The following ITFG1 variants were observed in gnomAD, a reference collection of about 807,000 sequenced individuals.
The protein encoded by ITFG1 is T-cell immunomodulatory protein.
Under a neutral mutation model 81.8 loss-of-function variants are expected in ITFG1, and 34 were observed. That is an observed-to-expected ratio of 0.42 (90% CI 0.32 to 0.55). The LOEUF (loss-of-function observed/expected upper bound fraction) is 0.55. ITFG1 is among the 20% of genes least tolerant of loss of function. The pLI, the probability that ITFG1 is intolerant of heterozygous loss-of-function variation, is 0.17. For missense variants in ITFG1, 672 were observed against 755.4 expected (o/e 0.89, Z 1.29); for synonymous variants, 285 against 270.6 (o/e 1.05, Z -0.52).
chr16:47,437,821 T>C (rs1290370253), intron 5 of ITFG1, among the ~76,000 whole-genome samples: 1 of 152,200 alleles, frequency 6.6e-6, no homozygotes, highest in African/African-American at 2.4e-5. Context: ...ACCGGGTACA[T>C]CTCACTGGGG....
intron 12 of ITFG1, among the ~76,000 whole-genome samples, chr16:47,247,365 C>T (rs1966013244): frequency 6.6e-6 from 1 of 152,092 alleles, no homozygotes; most frequent in African/African-American, 2.4e-5. Context: ...GAAAACACAA[C>T]AGAGTGTAAG....
At chr16:47,186,267 A>G (rs1285538179) in intron 14 of ITFG1, among the ~76,000 whole-genome samples, 1 of 152,240 alleles carries the variant, frequency 6.6e-6, no homozygotes, top group Non-Finnish European at 1.5e-5. Flanking sequence ...TTATGAGGCC[A>G]GCATCATCCT....
chr16:47,456,185 A>G (rs961556593), intron 2 of ITFG1, among the ~76,000 whole-genome samples: 22 of 152,296 alleles, frequency 1.4e-4, no homozygotes, highest in African/African-American at 5.1e-4. Context: ...CACCTGGGTG[A>G]TAGAGAAAGA....
At chr16:47,155,914 A>C (rs1964696587) in intron 17 of ITFG1, 136 bp from the exon 18 acceptor site, 1 of 587,572 alleles carries the variant, frequency 1.7e-6, no homozygotes, top group African/African-American at 1.9e-5. Flanking sequence ...CTAATTCAAC[A>C]GTCCTAGTAT....
intron 12 of ITFG1, among the ~76,000 whole-genome samples, chr16:47,248,534 T>G (rs1966028877): frequency 6.6e-6 from 1 of 152,170 alleles, no homozygotes; most frequent in South Asian, 2.1e-4. Flanking sequence ...AAATTATAAT[T>G]TAAAAACTCC....
chr16:47,203,480 A>G (rs1965453050), intron 14 of ITFG1, among the ~76,000 whole-genome samples: 1 of 151,828 alleles, frequency 6.6e-6, no homozygotes. Flanking sequence ...AATCAGTGGG[A>G]GCCCTGAGCT....
chr16:47,264,311 T>C (rs777272432), intron 10 of ITFG1, among the ~76,000 whole-genome samples: 2 of 152,094 alleles, frequency 1.3e-5, no homozygotes, highest in Non-Finnish European at 2.9e-5. Context: ...CTACATTATA[T>C]AGCACACACA....
chr16:47,206,172 T>G (rs1965497950), intron 14 of ITFG1, among the ~76,000 whole-genome samples: 1 of 152,100 alleles, frequency 6.6e-6, no homozygotes, highest in African/African-American at 2.4e-5. Context: ...GGCCAGGCAT[T>G]AAATATTTGA....
rs745933921 is a variant in ITFG1, at chr16:47,461,010, G to A, written c.36C>T (p.Ala12=). 3 of 1,556,602 alleles carry A rather than the reference G, an allele frequency of 1.9e-6. No individual in the cohort carries two copies. Among genetic ancestry groups the A allele is most frequent in the South Asian group, 2.3e-5 (2 of 85,644 alleles). The part of the protein sequence containing the change: ...AAAGRLPSSW[A]LFSPLLAGLA... ...GCCCTGCGAGGAGCGGCGAGAAGAG[G>A]GCCCAGGAGCTCGGGAGCCGGCCCG... The change falls in exon 1 of 18, where the codon GCC becomes GCT. Residue 12 remains alanine (A), a synonymous_variant. Transcript: ENST00000320640.
intron 10 of ITFG1, among the ~76,000 whole-genome samples, chr16:47,286,965 C>T (rs1231263080): frequency 2.0e-5 from 3 of 152,106 alleles, no homozygotes; most frequent in African/African-American, 7.2e-5. Flanking sequence ...TCACAACTTC[C>T]TCTCAGGTAG....
In ITFG1 at chr16:47,457,100, G is replaced by A. The variant is rs577200160; in HGVS notation, c.281+2003C>T. Among the ~76,000 whole-genome samples the A allele has an allele frequency of 1.1e-4, 17 of 152,082 alleles. No individual in the cohort carries two copies. The Middle Eastern group carries it at 0.01, about 91-fold the overall frequency. ...CGAGGCAGGTGGATCACCTGAGGTC[G>A]GGAGCTCGAGACCAGCCTGGCCAAC... On this transcript the variant is annotated intron_variant, in intron 2 of 17. Transcript: ENST00000320640.
intron 10 of ITFG1, 151 bp from the exon 11 acceptor site, chr16:47,260,846 A>T (rs1966202500): frequency 1.2e-6 from 1 of 847,102 alleles, no homozygotes; most frequent in East Asian, 2.7e-5. Context: ...TAGTACTGTC[A>T]TTAAAAAATT....
intron 8 of ITFG1, among the ~76,000 whole-genome samples, chr16:47,319,887 A>G (rs1397917284): frequency 6.6e-6 from 1 of 152,200 alleles, no homozygotes; most frequent in Non-Finnish European, 1.5e-5. Context: ...TCCTTGAAAG[A>G]GATTCAGGGA....
chr16:47,311,544 G>A, intron 9 of ITFG1, 132 bp from the exon 10 acceptor site: 1 of 563,096 alleles, frequency 1.8e-6, no homozygotes, highest in South Asian at 3.7e-5. Flanking sequence ...CTACAATATG[G>A]TAGGGGATCA....
chr16:47,161,746 T>C lies in ITFG1; in HGVS notation c.1661+4A>G. The C allele has an allele frequency of 6.3e-7, 1 of 1,592,496 alleles. No individual in the cohort carries two copies. The highest frequency in any genetic ancestry group is 1.3e-5 in the African/African-American group (1 of 74,578). On this transcript the variant is annotated splice_donor_region_variant and intron_variant, in intron 16 of 17. Transcript: ENST00000320640. ...TACCAAATCGGTTCAAGCAAGTACA[T>C]TACCTTCGAGGGACATTGTGAGGGT...
intron 14 of ITFG1, among the ~76,000 whole-genome samples, chr16:47,189,256 T>C (rs778659615): frequency 3.3e-5 from 5 of 152,180 alleles, no homozygotes; most frequent in Non-Finnish European, 7.3e-5. Flanking sequence ...GTTTACAGTG[T>C]ACAATTCAGT....
At chr16:47,421,176 A>C (rs1270423229) in intron 6 of ITFG1, among the ~76,000 whole-genome samples, 2 of 151,764 alleles carry the variant, frequency 1.3e-5, no homozygotes, top group African/African-American at 2.4e-5. Flanking sequence ...GCATAAAGTT[A>C]GGTAGGTCAT....
chr16:47,451,512 T>A lies in ITFG1; in HGVS notation c.486-42A>T, dbSNP rs1462567949. On this transcript the variant is annotated intron_variant, in intron 4 of 17. Transcript: ENST00000320640. ...ACAATAAGCAGCTATTTCTTTAAAT[T>A]CTTACTTCTAATTTAGCTTTAAAAG... 3 of 1,070,668 alleles carry A rather than the reference T, an allele frequency of 2.8e-6. No individual in the cohort carries two copies. The African/African-American group carries it at 4.7e-5, about 17-fold the overall frequency. 66.3% of individuals were successfully genotyped at this position (1,070,668 alleles called of 1,614,324 possible). A position where few individuals can be genotyped will look rare whatever the true frequency, so the allele number is the denominator to read the frequency against.
chr16:47,212,804 T>C (rs1458984476), intron 14 of ITFG1, among the ~76,000 whole-genome samples: 1 of 152,250 alleles, frequency 6.6e-6, no homozygotes, highest in Non-Finnish European at 1.5e-5. Context: ...TGGCAATTTA[T>C]GTCTCCTCTC....
Sources: allele counts gnomAD v4.1 joint callset (sites outside exome capture counted in the v4.1 genomes callset), GRCh38; gene constraint gnomAD v4.1.1; transcripts MANE v1.5; gene names NCBI Gene and HGNC (gene_info 2026-07-23, HGNC 2026-07-21).